The following COL5A3 variants were observed in gnomAD, a reference collection of about 807,000 sequenced individuals.
COL5A3 encodes the protein collagen alpha-3(V) chain.
COL5A3 carries 172 observed loss-of-function variants against 250.0 expected under a neutral mutation model. The ratio of observed to expected loss-of-function variants is 0.69; its 90% CI spans 0.61 to 0.78. The LOEUF (loss-of-function observed/expected upper bound fraction) is 0.78. Ranked by LOEUF, COL5A3 falls within the 30% of genes least tolerant of loss-of-function variation. The pLI is 0.00. For synonymous variants in COL5A3, 937 were observed against 900.4 expected (o/e 1.04, Z -0.73); for missense variants, 2,340 against 2,334.4 (o/e 1.00, Z -0.05).
At chr19:9,999,659 C>G (rs901788686) in intron 8 of COL5A3, among the ~76,000 whole-genome samples, 1 of 151,704 alleles carries the variant, frequency 6.6e-6, no homozygotes, top group Non-Finnish European at 1.5e-5. Context: ...GTACAGACAG[C>G]GTTTCACCAT....
chr19:9,979,863 C>A lies in COL5A3; in HGVS notation c.2688G>T (p.Gly896=). The change falls in exon 37 of 67, where the codon GGG becomes GGT. Residue 896 remains glycine, a synonymous_variant. Transcript: ENST00000264828. ...PGHQGKDGRP[G]HPGQRGELGF... is the part of the protein sequence containing the mutation. The stretch of plus-strand genomic sequence containing the variant: ...CCAGTTCTCCTCTCTGTCCAGGGTG[C>A]CCTGGTCGCCCATCTTTACCTTGGT... 1 of 1,576,394 alleles carries A rather than the reference C, an allele frequency of 6.3e-7. No individual in the cohort carries two copies.
Position 9,960,247 on chromosome 19 carries a change from C to G in COL5A3, c.*164G>C. The G allele has an allele frequency of 2.3e-6, 2 of 884,190 alleles. No homozygotes were observed. The highest frequency in any genetic ancestry group is 3.4e-5 in the African/African-American group (2 of 59,262). The allele number at this position is 884,190 out of a possible 1,614,324, so 54.8% of individuals were successfully genotyped here. On this transcript the variant is annotated 3_prime_UTR_variant, in exon 67 of 67. Transcript: ENST00000264828. ...CCCTTGGGCCAGGGAACCCCAGCCCCCAGCACCCTGGAAAGGAGAAGGAAT... is the reference window on the plus strand; with the variant it reads ...CCCTTGGGCCAGGGAACCCCAGCCCGCAGCACCCTGGAAAGGAGAAGGAAT...
chr19:9,998,263 C>CACA, intron 8 of COL5A3, 114 bp from the exon 9 acceptor site: 2 of 1,054,348 alleles, frequency 1.9e-6, no homozygotes, highest in Non-Finnish European at 2.7e-6. Flanking sequence ...CACACGGAGT[C>CACA]CACCCTCAGA....
At chr19:9,995,310 C>T (rs934795422) in intron 16 of COL5A3, among the ~76,000 whole-genome samples, 5 of 152,224 alleles carry the variant, frequency 3.3e-5, no homozygotes, top group African/African-American at 1.2e-4. Flanking sequence ...CGTGCTGTTT[C>T]TTCCACTTCC....
rs755129959 is a variant in COL5A3, at chr19:9,969,576, A to C, written c.4097T>G (p.Val1366Gly). The C allele has an allele frequency of 1.9e-6, 3 of 1,611,256 alleles. No individual in the cohort carries two copies. The highest frequency in any genetic ancestry group is 4.5e-5 in the East Asian group (2 of 44,850). ...CCACCCCTGCCCCGCTCCACTCACC[A>C]CAGGGCCAGGGATCCCTCGAAGACC... ...PEGLRGIPGP[V>G]GEPGLLGAPG... The change falls in exon 56 of 67, where the codon GTG (valine) becomes GGG (glycine). Residue 1366 changes from valine (V) to glycine (G), a missense_variant and splice_region_variant. Coordinates refer to ENST00000264828, the MANE Select transcript of COL5A3 (RefSeq NM_015719.4).
At chr19:9,989,256 C>A (rs2087152594) in intron 26 of COL5A3, 66 bp downstream of exon 26, 1 of 1,610,144 alleles carries the variant, frequency 6.2e-7, no homozygotes, top group Non-Finnish European at 8.5e-7. Context: ...TCCTCTGTGG[C>A]CCCTGACTGC....
At chr19:10,008,189 G>A (rs1019238360) in intron 1 of COL5A3, among the ~76,000 whole-genome samples, 4 of 152,038 alleles carry the variant, frequency 2.6e-5, no homozygotes, top group South Asian at 2.1e-4. Context: ...TGAGACCGAC[G>A]ACCTCACCCA....
chr19:9,978,748 G>T, intron 40 of COL5A3, 121 bp from the exon 41 acceptor site: 1 of 907,984 alleles, frequency 1.1e-6, no homozygotes. Flanking sequence ...AGCTTTGAGG[G>T]GTCTGCCTTC....
Position 9,966,384 on chromosome 19 carries a change from G to A in COL5A3, c.4712C>T (p.Ser1571Leu), listed in dbSNP as rs2086745216. ...CGTGAAGTTGCAAAAAACCCTGAACGAGTCCCGCGCGCAGCCCTGGTTGGG... is the reference window on the plus strand; with the variant it reads ...CGTGAAGTTGCAAAAAACCCTGAACAAGTCCCGCGCGCAGCCCTGGTTGGG... The part of the protein sequence containing the change: ...IDPNQGCARD[S>L]FRVFCNFTAG... The change falls in exon 64 of 67, where the codon TCG becomes TTG. Residue 1571 changes from serine (S) to leucine (L), a missense_variant. Physicochemically the swap from Ser to Leu is moderately radical, Grantham distance 145. Around this residue, in one of 3 missense-constraint regions of COL5A3, gnomAD observed 1,179 missense variants for 1,162.6 expected, o/e 1.01. Coordinates refer to ENST00000264828, the MANE Select transcript of COL5A3 (RefSeq NM_015719.4). 1.2e-6 allele frequency: 2 copies of A among 1,609,800 alleles called. No individual in the cohort carries two copies. Among genetic ancestry groups the A allele is most frequent in the South Asian group, 1.1e-5 (1 of 90,392 alleles).
At chr19:9,981,276 C>T (rs2087005162) in intron 32 of COL5A3, 144 bp from the exon 33 acceptor site, 1 of 701,030 alleles carries the variant, frequency 1.4e-6, no homozygotes, top group Non-Finnish European at 2.5e-6. Flanking sequence ...CACATACACA[C>T]AAATACAACT....
At chr19:9,979,759 C>G in intron 37 of COL5A3, 80 bp downstream of exon 37, 1 of 1,338,966 alleles carries the variant, frequency 7.5e-7, no homozygotes, top group Non-Finnish European at 1.0e-6. Flanking sequence ...GCACTCTAGC[C>G]CAGGTGACAG....
At position 9,960,689 on chromosome 19, in the gene COL5A3, T is replaced by C. The variant is rs147710055; in HGVS notation, c.5053A>G (p.Thr1685Ala). 7.1e-5 allele frequency: 114 copies of C among 1,613,978 alleles called. No homozygotes were observed. In the African/African-American group the frequency reaches 1.3e-3, roughly 19 times the overall value. Residue 1685 changes from threonine to alanine, a missense_variant, in exon 66 of 67, where the codon ACA (threonine) becomes GCA (alanine). Physicochemically the swap from Thr to Ala is moderately conservative, Grantham distance 58 (BLOSUM62 0). Transcript: ENST00000264828. ...TGGGGGACGCTGACAGTGGCTGCTG[T>C]CGTCTGGTTGAAAGACAGCTCCTCT... ...NGEELSFNQT[T>A]AATVSVPQDG...
chr19:9,968,679 T>C lies in COL5A3; in HGVS notation c.4202A>G (p.Glu1401Gly), dbSNP rs1403486527. 3 of 1,606,808 alleles carry C rather than the reference T, an allele frequency of 1.9e-6. No homozygotes were observed. The highest frequency in any genetic ancestry group is 1.3e-5 in the African/African-American group (1 of 74,756). Residue 1401 changes from glutamate (E) to glycine (G), a missense_variant, in exon 58 of 67, where the codon GAA becomes GGA. By Grantham distance (98) the Glu-to-Gly change is moderately conservative. Around this residue, in one of 3 missense-constraint regions of COL5A3, gnomAD observed 1,179 missense variants for 1,162.6 expected, o/e 1.01. Coordinates refer to ENST00000264828, the MANE Select transcript of COL5A3 (RefSeq NM_015719.4). This position sits in a 1 kb window ranked among gnomAD's most constrained non-coding sequence, Gnocchi z 4.1. Reference protein sequence around the residue: ...GLKGDTGPKGEKGHIGLIGLI... With the variant: ...GLKGDTGPKGGKGHIGLIGLI... ...ATAATGGAATGATGTCCTTACCTTT[T>C]CCCCCTTGGGGCCAGTGTCTCCCTT...
At chr19:9,967,466 C>A in intron 61 of COL5A3, 66 bp from the exon 62 acceptor site, 2 of 1,054,796 alleles carry the variant, frequency 1.9e-6, no homozygotes, top group Non-Finnish European at 2.7e-6. Flanking sequence ...AACATACACA[C>A]AAACACACAC....
chr19:9,970,902 G>C (rs2086835719), intron 53 of COL5A3, 73 bp downstream of exon 53: 13 of 1,306,562 alleles, frequency 9.9e-6, no homozygotes, highest in Non-Finnish European at 1.4e-5. Flanking sequence ...CCACTCCCCT[G>C]CCCCCCCAAT....
chr19:9,986,835 A>C, intron 27 of COL5A3, 77 bp from the exon 28 acceptor site: 1 of 1,524,512 alleles, frequency 6.6e-7, no homozygotes, highest in Non-Finnish European at 9.0e-7. Context: ...CCTGCTCTAA[A>C]GCAGCCAGGA....
Position 9,966,593 on chromosome 19 carries a change from C to T in COL5A3, c.4612G>A (p.Glu1538Lys). The T allele has an allele frequency of 9.7e-6, 15 of 1,540,948 alleles. No individual in the cohort carries two copies. Among genetic ancestry groups the T allele is most frequent in the Non-Finnish European group, 1.3e-5 (15 of 1,147,220 alleles). ...EQLRRPPGTA[E>K]RPGLVCHELH... is the part of the protein sequence containing the mutation. ...TCGTGGCACACGAGGCCCGGGCGCT[C>T]CGCAGTGCCGGGAGGACGCCGCAGC... Residue 1538 changes from glutamate (E) to lysine (K), a missense_variant, in exon 63 of 67, where the codon GAG (glutamate) becomes AAG (lysine). This residue lies in a region of COL5A3 where 1,179 missense variants were observed against 1,162.6 expected (regional missense o/e 1.01). Coordinates refer to ENST00000264828, the MANE Select transcript of COL5A3 (RefSeq NM_015719.4).
rs765690997 is a variant in COL5A3, at chr19:9,973,737, C to A, written c.3612+19G>T. ...ATTTATCTCTTCCCCCCGTGCAGCCCCTGCCTTCCCTCACTCACCTTCTCA... is the reference window on the plus strand; with the variant it reads ...ATTTATCTCTTCCCCCCGTGCAGCCACTGCCTTCCCTCACTCACCTTCTCA... On this transcript the variant is annotated intron_variant, in intron 49 of 66. Coordinates refer to ENST00000264828, the MANE Select transcript of COL5A3 (RefSeq NM_015719.4). The A allele has an allele frequency of 6.2e-7, 1 of 1,613,994 alleles. No homozygotes were observed. The highest frequency in any genetic ancestry group is 1.1e-5 in the South Asian group (1 of 91,086).
chr19:9,986,357 C>A lies in COL5A3; in HGVS notation c.2310G>T (p.Gly770=). 6.3e-7 allele frequency: 1 copy of A among 1,598,544 alleles called. No individual in the cohort carries two copies. The highest frequency in any genetic ancestry group is 8.5e-7 in the Non-Finnish European group (1 of 1,176,334). ...CTGGGGGCCCCTCCTCGCCAGCCTG[C>A]CCCGCCTGCCCCTTCGGCCCCTCAG... ...DGPEGPKGQA[G]QAGEEGPPGS... The change falls in exon 30 of 67, where the codon GGG becomes GGT. Residue 770 remains glycine, a synonymous_variant. Transcript: ENST00000264828.
Sources: allele counts gnomAD v4.1 joint callset (sites outside exome capture counted in the v4.1 genomes callset), GRCh38; gene constraint gnomAD v4.1.1; regional missense constraint gnomAD v4.1.1; non-coding constraint Gnocchi (gnomAD v3.1); transcripts MANE v1.5; gene names NCBI Gene and HGNC (gene_info 2026-07-23, HGNC 2026-07-21).